INPP5A: variants seen among roughly 807,000 people sequenced by gnomAD.
The protein encoded by INPP5A is 43 kDa inositol polyphosphate 5-phophatase.
A neutral mutation model predicts 65.2 loss-of-function variants in INPP5A; 14 were observed. That is an observed-to-expected ratio of 0.21 (90% CI 0.14 to 0.34). The LOEUF (loss-of-function observed/expected upper bound fraction) is 0.34, where lower values mean the gene tolerates loss of function less well. Among genes scored for constraint, INPP5A ranks in the 10% least tolerant of loss-of-function variants. INPP5A has a pLI of 1.00. For synonymous variants in INPP5A, 207 were observed against 208.3 expected (o/e 0.99, Z 0.05); for missense variants, 431 against 545.6 (o/e 0.79, Z 2.09).
intron 12 of INPP5A, among the ~76,000 whole-genome samples, chr10:132,771,552 G>A (rs1462851101): frequency 1.3e-5 from 2 of 152,266 alleles, no homozygotes; most frequent in Admixed American, 1.3e-4. Context: ...CCCACAGGGG[G>A]CCACACGCCA....
intron 1 of INPP5A, among the ~76,000 whole-genome samples, chr10:132,588,456 A>G (rs113423809): frequency 1.4e-4 from 22 of 152,330 alleles, no homozygotes; most frequent in African/African-American, 4.8e-4. Context: ...TCCTTTTACA[A>G]AACTATTTTT....
intron 8 of INPP5A, among the ~76,000 whole-genome samples, chr10:132,714,305 C>T (rs1367141772): frequency 6.6e-6 from 1 of 152,220 alleles, no homozygotes; most frequent in East Asian, 1.9e-4. Flanking sequence ...ACACAAAGGG[C>T]GGCTCTGTCG....
At chr10:132,719,563 T>C (rs1441835828) in intron 8 of INPP5A, among the ~76,000 whole-genome samples, 85 of 112,490 alleles carry the variant, frequency 7.6e-4, no homozygotes, top group African/African-American at 2.6e-3. Context: ...TCTGTCTGGG[T>C]GCCTTAGACG....
chr10:132,605,017 G>T (rs2071827687), intron 1 of INPP5A, among the ~76,000 whole-genome samples: 1 of 152,048 alleles, frequency 6.6e-6, no homozygotes, highest in African/African-American at 2.4e-5. Context: ...GCCCTGGAGG[G>T]TGGATCCACT....
At chr10:132,764,398 G>T (rs565506243) in intron 11 of INPP5A, among the ~76,000 whole-genome samples, 1 of 152,130 alleles carries the variant, frequency 6.6e-6, no homozygotes, top group African/African-American at 2.4e-5. Context: ...GGGTGTGTGT[G>T]GTGACACTCA....
intron 4 of INPP5A, among the ~76,000 whole-genome samples, chr10:132,653,672 C>CA (rs1239796342): frequency 6.6e-6 from 1 of 152,234 alleles, no homozygotes; most frequent in African/African-American, 2.4e-5. Flanking sequence ...GGAAAAGTCT[C>CA]AAATATTTGG....
At chr10:132,559,650 CGT>C (rs2071175629) in intron 1 of INPP5A, among the ~76,000 whole-genome samples, 1 of 147,112 alleles carries the variant, frequency 6.8e-6, no homozygotes, top group Admixed American at 6.6e-5. Flanking sequence ...TTACTCAGCA[CGT>C]GTGTTCCAGG....
Position 132,753,125 on chromosome 10 carries a change from C to T in INPP5A, c.903+3280C>T, listed in dbSNP as rs1373471224. Among the ~76,000 whole-genome samples, 4 of 152,158 alleles carry T rather than the reference C, an allele frequency of 2.6e-5. No individual in the cohort carries two copies. The highest frequency in any genetic ancestry group is 9.7e-5 in the African/African-American group (4 of 41,434). ...TGTTTGGGGCCTGGGACGACGGCACCTTCGGGAACGCCCCATGGGTTCCTG... is the reference window on the plus strand; with the variant it reads ...TGTTTGGGGCCTGGGACGACGGCACTTTCGGGAACGCCCCATGGGTTCCTG... On this transcript the variant is annotated intron_variant, in intron 11 of 15. Transcript: ENST00000368594. The surrounding 1 kb of genome is among the most constrained non-coding windows in gnomAD (Gnocchi z 5.3).
At chr10:132,596,933 A>G (rs7906720) in intron 1 of INPP5A, among the ~76,000 whole-genome samples, 44 of 6,790 alleles carry the variant, frequency 6.5e-3, no homozygotes, top group Admixed American at 0.018. Context: ...GCGCATGTGC[A>G]CGCATGTGTG....
chr10:132,607,586 C>G (rs541026535), intron 1 of INPP5A, among the ~76,000 whole-genome samples: 3 of 152,388 alleles, frequency 2.0e-5, no homozygotes, highest in African/African-American at 7.2e-5. Flanking sequence ...TGAGCCGTCT[C>G]TTCCCTGGGA....
chr10:132,567,010 A>G (rs1322079265), intron 1 of INPP5A, among the ~76,000 whole-genome samples: 1 of 152,240 alleles, frequency 6.6e-6, no homozygotes, highest in Non-Finnish European at 1.5e-5. Flanking sequence ...CTCAGGAGGC[A>G]CAGGGTATTA....
chr10:132,573,290 G>T (rs1459783423), intron 1 of INPP5A, among the ~76,000 whole-genome samples: 14 of 143,206 alleles, frequency 9.8e-5, no homozygotes, highest in South Asian at 2.3e-4. Context: ...TGATGTTGGG[G>T]TGTGTGTGCT....
chr10:132,631,520 T>C (rs2072272818), intron 2 of INPP5A, among the ~76,000 whole-genome samples: 1 of 152,270 alleles, frequency 6.6e-6, no homozygotes, highest in South Asian at 2.1e-4. Flanking sequence ...GGCATGGGGC[T>C]TCCACTGGGG....
chr10:132,556,357 C>T (rs892196649), intron 1 of INPP5A, among the ~76,000 whole-genome samples: 31 of 152,256 alleles, frequency 2.0e-4, no homozygotes, highest in Admixed American at 1.0e-3. Context: ...GCTGATGCGG[C>T]GAGCCCTCTC....
chr10:132,761,524 T>G (rs1846732756), intron 11 of INPP5A, among the ~76,000 whole-genome samples: 1 of 140,404 alleles, frequency 7.1e-6, no homozygotes, highest in Admixed American at 7.1e-5. Context: ...GGGAGGAGCC[T>G]GGGGGTGCCA....
intron 1 of INPP5A, among the ~76,000 whole-genome samples, chr10:132,566,142 G>A (rs940877114): frequency 3.3e-5 from 5 of 152,234 alleles, no homozygotes; most frequent in South Asian, 4.1e-4. Flanking sequence ...TTTGCTCAAC[G>A]ATGTTCAAAT....
In INPP5A at chr10:132,783,197, G is replaced by A. The variant is rs1847198356; in HGVS notation, c.*1168G>A. On this transcript the variant is annotated 3_prime_UTR_variant, in exon 16 of 16. Coordinates refer to ENST00000368594, the MANE Select transcript of INPP5A (RefSeq NM_005539.5). ...GAGAGTCTGTTGATGAAACACAAAT[G>A]TATGTTTTATTGATTTTACTTTAGA... 6.6e-6 allele frequency: 1 copy of A among 152,430 alleles called. No individual in the cohort carries two copies. Among genetic ancestry groups the A allele is most frequent in the Non-Finnish European group, 1.5e-5 (1 of 68,048 alleles). The allele number at this position is 152,430 out of a possible 1,614,324, so 9.4% of individuals were successfully genotyped here.
At chr10:132,665,255 G>A (rs536823750) in intron 4 of INPP5A, among the ~76,000 whole-genome samples, 12 of 152,308 alleles carry the variant, frequency 7.9e-5, no homozygotes, top group African/African-American at 2.6e-4. Context: ...CCCCGCAGCG[G>A]CCACTGGCTG....
intron 4 of INPP5A, among the ~76,000 whole-genome samples, chr10:132,660,569 A>C (rs887875353): frequency 6.6e-6 from 1 of 152,210 alleles, no homozygotes; most frequent in African/African-American, 2.4e-5. Flanking sequence ...GCGGTGAGGC[A>C]CCTGTGTCAG....
Sources: gnomAD v4.1 joint callset for allele counts (sites outside exome capture counted in the v4.1 genomes callset) on GRCh38, gnomAD v4.1.1 for gene constraint, Gnocchi (gnomAD v3.1) non-coding constraint, MANE v1.5 for transcripts, NCBI Gene and HGNC (gene_info 2026-07-23, HGNC 2026-07-21) for gene names.